RYR2: variants seen among roughly 807,000 people sequenced by gnomAD.
The protein encoded by RYR2 is ryanodine receptor 2.
RYR2 carries 227 observed loss-of-function variants against 601.1 expected under a neutral mutation model. The observed-to-expected ratio is 0.38, with a 90% CI of 0.34 to 0.42. The LOEUF (loss-of-function observed/expected upper bound fraction) is 0.42, where lower values mean the gene tolerates loss of function less well. RYR2 is among the 10% of genes least tolerant of loss of function. The pLI is 1.00. For missense variants in RYR2, 4,646 were observed against 6,156.5 expected, an observed-to-expected ratio of 0.75 and a Z score of 8.21; for synonymous variants, 2,223 against 2,175.1, an observed-to-expected ratio of 1.02 and a Z score of -0.61.
At chr1:237,415,295 A>T (rs2150019895) in intron 10 of RYR2, among the ~76,000 whole-genome samples, 1 of 152,290 alleles carries the variant, frequency 6.6e-6, no homozygotes, top group East Asian at 1.9e-4. Flanking sequence ...TACTTTATGC[A>T]GCGACAGTTG....
intron 73 of RYR2, 151 bp from the exon 74 acceptor site, chr1:237,722,977 T>A: frequency 1.6e-6 from 1 of 614,088 alleles, no homozygotes; most frequent in African/African-American, 1.8e-5. Flanking sequence ...GACCTGTTCA[T>A]CCTACATAAC....
intron 12 of RYR2, among the ~76,000 whole-genome samples, chr1:237,438,461 G>A (rs550116322): frequency 7.9e-5 from 12 of 152,244 alleles, no homozygotes; most frequent in African/African-American, 2.6e-4. Context: ...GGTTTTGCAG[G>A]CAGTTAACCT....
At chr1:237,557,078 A>T (rs1670981326) in intron 27 of RYR2, among the ~76,000 whole-genome samples, 1 of 152,078 alleles carries the variant, frequency 6.6e-6, no homozygotes. Context: ...GGATACTAAG[A>T]CAGCTCACTT....
intron 27 of RYR2, among the ~76,000 whole-genome samples, chr1:237,551,682 A>T (rs1240011193): frequency 6.6e-6 from 1 of 152,202 alleles, no homozygotes; most frequent in East Asian, 1.9e-4. Context: ...ATAATTTTTG[A>T]TGGAAAGTTT....
chr1:237,740,148 G>T lies in RYR2; in HGVS notation c.11092-2148G>T, dbSNP rs75652925. Among the ~76,000 whole-genome samples the T allele has an allele frequency of 6.4e-3, 970 of 152,206 alleles. 16 individuals carry two copies. Among genetic ancestry groups the T allele is most frequent in the African/African-American group, 0.022 (920 of 41,534 alleles). Reference sequence around the variant, plus strand: ...TTAGCATTATCATCTATGTCACGTGGATGCCATTTGCTATTGAAGAACATA... The same window carrying T: ...TTAGCATTATCATCTATGTCACGTGTATGCCATTTGCTATTGAAGAACATA... On this transcript the variant is annotated intron_variant, in intron 79 of 104. Coordinates refer to ENST00000366574, the MANE Select transcript of RYR2 (RefSeq NM_001035.3).
chr1:237,255,065 T>G (rs932827051), intron 1 of RYR2, among the ~76,000 whole-genome samples: 1 of 152,210 alleles, frequency 6.6e-6, no homozygotes, highest in African/African-American at 2.4e-5. Flanking sequence ...CACATTATGA[T>G]GAAGTTTAAC....
chr1:237,409,103 A>C (rs1303965522), intron 10 of RYR2, among the ~76,000 whole-genome samples: 1 of 151,726 alleles, frequency 6.6e-6, no homozygotes, highest in Non-Finnish European at 1.5e-5. Context: ...TAATCATGTC[A>C]TCTATGAAGA....
At chr1:237,158,212 T>G (rs552468308) in intron 1 of RYR2, among the ~76,000 whole-genome samples, 1 of 152,170 alleles carries the variant, frequency 6.6e-6, no homozygotes, top group Non-Finnish European at 1.5e-5. Context: ...TTAATTACCA[T>G]AAAATAGTTA....
chr1:237,243,992 C>T (rs1176047342), intron 1 of RYR2, among the ~76,000 whole-genome samples: 1 of 152,256 alleles, frequency 6.6e-6, no homozygotes, highest in Admixed American at 6.5e-5. Flanking sequence ...TTGCACCATC[C>T]TGGGTCATGT....
intron 38 of RYR2, among the ~76,000 whole-genome samples, chr1:237,619,566 A>G (rs183085231): frequency 6.6e-6 from 1 of 152,314 alleles, no homozygotes; most frequent in Admixed American, 6.5e-5. Flanking sequence ...ACTGAAGAAA[A>G]TAATGCTGAA....
chr1:237,631,460 C>T lies in RYR2; in HGVS notation c.6474C>T (p.His2158=). Residue 2158 remains histidine, a synonymous_variant, in exon 42 of 105, where the codon CAC becomes CAT. Transcript: ENST00000366574. ...TGAATAACAAAGTGTTTTACCAGCA[C>T]CCTAATCTCATGAGGGCACTGGGGA... is the stretch of plus-strand genomic sequence containing the variant. ...DIMNNKVFYQ[H]PNLMRALGMH... The T allele has an allele frequency of 6.2e-7, 1 of 1,613,570 alleles. No individual in the cohort carries two copies. Among genetic ancestry groups the T allele is most frequent in the Non-Finnish European group, 8.5e-7 (1 of 1,179,794 alleles).
chr1:237,787,220 A>G (rs1322167869), intron 91 of RYR2, among the ~76,000 whole-genome samples: 1 of 152,196 alleles, frequency 6.6e-6, no homozygotes, highest in East Asian at 1.9e-4. Flanking sequence ...GTATAATGAT[A>G]CACTTTATAC....
chr1:237,358,478 G>C (rs1699488963), intron 4 of RYR2, among the ~76,000 whole-genome samples: 1 of 151,930 alleles, frequency 6.6e-6, no homozygotes, highest in Non-Finnish European at 1.5e-5. Flanking sequence ...GGCTTGCCAG[G>C]TTTCTAATGC....
chr1:237,808,688 ATAAAATAAAG>A (rs1351608730), intron 99 of RYR2, among the ~76,000 whole-genome samples: 1 of 150,478 alleles, frequency 6.6e-6, no homozygotes, highest in Non-Finnish European at 1.5e-5. Flanking sequence ...ATAAAATAAA[ATAAAATAAAG>A]TCTGACAACT....
chr1:237,714,217 T>C (rs962559962), intron 71 of RYR2, among the ~76,000 whole-genome samples: 1 of 152,176 alleles, frequency 6.6e-6, no homozygotes, highest in Non-Finnish European at 1.5e-5. Flanking sequence ...ATCAGAATAA[T>C]GTGTGTGTTG....
chr1:237,364,764 TC>T (rs1700062267), intron 5 of RYR2, among the ~76,000 whole-genome samples: 1 of 152,164 alleles, frequency 6.6e-6, no homozygotes, highest in African/African-American at 2.4e-5. Context: ...TTAGTAGCTC[TC>T]CATTTAGAAT....
At chr1:237,098,994 G>A (rs1477994849) in intron 1 of RYR2, among the ~76,000 whole-genome samples, 1 of 152,082 alleles carries the variant, frequency 6.6e-6, no homozygotes, top group South Asian at 2.1e-4. Flanking sequence ...CAATGAGGAG[G>A]GCTCAGACAA....
chr1:237,793,254 G>C (rs1044965623), intron 94 of RYR2, among the ~76,000 whole-genome samples: 1 of 152,076 alleles, frequency 6.6e-6, no homozygotes, highest in Admixed American at 6.5e-5. Context: ...GCATATTCTT[G>C]GCTATTTCCA....
chr1:237,240,638 G>A (rs1686044677), intron 1 of RYR2, among the ~76,000 whole-genome samples: 1 of 72,968 alleles, frequency 1.4e-5, no homozygotes, highest in South Asian at 7.5e-4. Context: ...AATAAGTCAA[G>A]TGTTGTATTG....
Sources: gnomAD v4.1 joint callset for allele counts (sites outside exome capture counted in the v4.1 genomes callset) on GRCh38, gnomAD v4.1.1 for gene constraint, MANE v1.5 for transcripts, NCBI Gene and HGNC (gene_info 2026-07-23, HGNC 2026-07-21) for gene names.